CAMTA1: variants seen among roughly 807,000 people sequenced by gnomAD.
The protein encoded by CAMTA1 is calmodulin-binding transcription activator 1.
A neutral mutation model predicts 170.9 loss-of-function variants in CAMTA1; 27 were observed. The observed-to-expected ratio is 0.16, with a 90% CI of 0.12 to 0.22. CAMTA1 has a LOEUF of 0.22. Ranked by LOEUF, CAMTA1 falls within the 10% of genes least tolerant of loss-of-function variation. The pLI, the probability that CAMTA1 is intolerant of heterozygous loss-of-function variation, is 1.00. For missense variants in CAMTA1, 1,619 were observed against 2,217.2 expected, an observed-to-expected ratio of 0.73 and a Z score of 5.42; for synonymous variants, 833 against 891.5, an observed-to-expected ratio of 0.93 and a Z score of 1.17.
chr1:7,017,482 G>A (rs899941082), intron 3 of CAMTA1, among the ~76,000 whole-genome samples: 4 of 152,182 alleles, frequency 2.6e-5, no homozygotes, highest in Admixed American at 2.6e-4. Flanking sequence ...AGAGGTTCAG[G>A]TGCTCCGTCA....
intron 5 of CAMTA1, among the ~76,000 whole-genome samples, chr1:7,285,820 T>C (rs1672268795): frequency 6.6e-6 from 1 of 152,138 alleles, no homozygotes; most frequent in Admixed American, 6.5e-5. Flanking sequence ...TATGATTAGG[T>C]GTCACCTGTT....
intron 6 of CAMTA1, among the ~76,000 whole-genome samples, chr1:7,613,432 G>C (rs1576400647): frequency 6.6e-6 from 1 of 152,108 alleles, no homozygotes; most frequent in East Asian, 1.9e-4. Context: ...GGTCCCCCAG[G>C]CCGTAAAGCC....
At chr1:7,467,981 C>A (rs778927663) in intron 6 of CAMTA1, 80 bp downstream of exon 6, 16 of 1,162,908 alleles carry the variant, frequency 1.4e-5, no homozygotes, top group Non-Finnish European at 2.0e-5. Flanking sequence ...GCGCGGGGCT[C>A]CGCATGCGAC....
Position 7,014,362 on chromosome 1 carries a change from C to G in CAMTA1, c.235-76942C>G, listed in dbSNP as rs1281987068. On this transcript the variant is annotated intron_variant, in intron 3 of 22. Coordinates refer to ENST00000303635, the MANE Select transcript of CAMTA1 (RefSeq NM_015215.4). The surrounding 1 kb of genome is among the most constrained non-coding windows in gnomAD (Gnocchi z 4.2). ...TTGGGGTGTGAGGCTATAAACAGCC[C>G]AGGAGTCCTGAGGGGGTTGGAGAGT... is the stretch of plus-strand genomic sequence containing the variant. The G allele has an allele frequency of 6.6e-6, 1 of 152,284 alleles. No homozygotes were observed. The highest frequency in any genetic ancestry group is 1.5e-5 in the Non-Finnish European group (1 of 68,110). 9.4% of individuals were successfully genotyped at this position (152,284 alleles called of 1,614,324 possible). A position where few individuals can be genotyped will look rare whatever the true frequency, so the allele number is the denominator to read the frequency against.
intron 6 of CAMTA1, among the ~76,000 whole-genome samples, chr1:7,543,555 T>A (rs1165597431): frequency 6.6e-6 from 1 of 152,250 alleles, no homozygotes; most frequent in African/African-American, 2.4e-5. Flanking sequence ...ATATAGCAGT[T>A]CCCGAACGCT....
intron 3 of CAMTA1, among the ~76,000 whole-genome samples, chr1:6,937,714 A>G (rs568634714): frequency 6.7e-6 from 1 of 149,928 alleles, no homozygotes; most frequent in East Asian, 2.0e-4. Flanking sequence ...TACCACCACC[A>G]TCACCATCAC....
chr1:7,302,701 G>A (rs1161750040), intron 5 of CAMTA1, among the ~76,000 whole-genome samples: 1 of 152,192 alleles, frequency 6.6e-6, no homozygotes, highest in African/African-American at 2.4e-5. Context: ...CCATCCCAGA[G>A]TCCCTCATGA....
chr1:7,421,591 T>C (rs2091561458), intron 5 of CAMTA1, among the ~76,000 whole-genome samples: 1 of 152,194 alleles, frequency 6.6e-6, no homozygotes, highest in Non-Finnish European at 1.5e-5. Flanking sequence ...TTTCTTCCTG[T>C]AGGAACTGGA....
intron 11 of CAMTA1, among the ~76,000 whole-genome samples, chr1:7,714,297 A>G (rs1029428673): frequency 1.3e-5 from 2 of 152,210 alleles, no homozygotes; most frequent in Non-Finnish European, 2.9e-5. Flanking sequence ...CATCCAACTC[A>G]TCTACATTCA....
chr1:6,837,169 G>A (rs1361448555), intron 3 of CAMTA1, among the ~76,000 whole-genome samples: 1 of 152,096 alleles, frequency 6.6e-6, no homozygotes, highest in Non-Finnish European at 1.5e-5. Context: ...TGTTAGCCAG[G>A]ATGGGCTCGA....
chr1:7,175,287 TG>T (rs1481117995), intron 4 of CAMTA1, among the ~76,000 whole-genome samples: 2 of 152,230 alleles, frequency 1.3e-5, no homozygotes, highest in Non-Finnish European at 2.9e-5. Flanking sequence ...GAATATGTGA[TG>T]GAGACAGATG....
intron 3 of CAMTA1, among the ~76,000 whole-genome samples, chr1:6,876,680 T>C (rs918774298): frequency 1.3e-5 from 2 of 152,160 alleles, no homozygotes; most frequent in Admixed American, 6.5e-5. Context: ...CATTTCTTAA[T>C]TTGTCTTAGT....
chr1:7,766,527 G>A lies in CAMTA1; in HGVS notation c.*36G>A. 6.2e-7 allele frequency: 1 copy of A among 1,603,048 alleles called. No homozygotes were observed. The highest frequency in any genetic ancestry group is 8.5e-7 in the Non-Finnish European group (1 of 1,170,014). ...CAGCATCCCTTAGCAATGTGACATTGCTTTTCAGACTGTTTTCATTTCTGT... is the reference window on the plus strand; with the variant it reads ...CAGCATCCCTTAGCAATGTGACATTACTTTTCAGACTGTTTTCATTTCTGT... On this transcript the variant is annotated 3_prime_UTR_variant, in exon 23 of 23. Coordinates refer to ENST00000303635, the MANE Select transcript of CAMTA1 (RefSeq NM_015215.4).
At chr1:7,142,609 C>T (rs1645952763) in intron 4 of CAMTA1, among the ~76,000 whole-genome samples, 1 of 152,188 alleles carries the variant, frequency 6.6e-6, no homozygotes, top group African/African-American at 2.4e-5. Context: ...TGAGTTCTTG[C>T]TCTGTTAATT....
intron 4 of CAMTA1, among the ~76,000 whole-genome samples, chr1:7,135,621 C>T (rs2148570889): frequency 6.6e-6 from 1 of 152,218 alleles, no homozygotes; most frequent in South Asian, 2.1e-4. Context: ...TTTCATCTTC[C>T]CTGAAAACCC....
At chr1:7,529,407 C>T (rs1299987415) in intron 6 of CAMTA1, among the ~76,000 whole-genome samples, 2 of 152,178 alleles carry the variant, frequency 1.3e-5, no homozygotes, top group Admixed American at 6.5e-5. Flanking sequence ...CGCATACCTC[C>T]TGGCCTTGCA....
At position 7,707,284 on chromosome 1, in the gene CAMTA1, C is replaced by T. The variant is rs550706580; in HGVS notation, c.2915-25164C>T. On this transcript the variant is annotated intron_variant, in intron 11 of 22. Transcript: ENST00000303635. Reference sequence around the variant, plus strand: ...TGTGGGGCTGTTCTAGAATCCAGTACGTGAATAACAAGTGGAACTGAGTAT... The same window carrying T: ...TGTGGGGCTGTTCTAGAATCCAGTATGTGAATAACAAGTGGAACTGAGTAT... Among the ~76,000 whole-genome samples the T allele has an allele frequency of 1.4e-4, 22 of 152,202 alleles. 1 individual carries two copies. In the South Asian group the frequency reaches 3.7e-3, roughly 26 times the overall value.
rs977179935 is a variant in CAMTA1, at chr1:7,050,997, T to C, written c.235-40307T>C. On this transcript the variant is annotated intron_variant, in intron 3 of 22. Coordinates refer to ENST00000303635, the MANE Select transcript of CAMTA1 (RefSeq NM_015215.4). This position sits in a 1 kb window ranked among gnomAD's most constrained non-coding sequence, Gnocchi z 4.8. ...TGCTGCCTCTTTCCGGGGTGTAATT[T>C]GAGTTTGCATGTGGAACGAGGCCCT... Among the ~76,000 whole-genome samples, 2 of 152,136 alleles carry C rather than the reference T, an allele frequency of 1.3e-5. No individual in the cohort carries two copies. The highest frequency in any genetic ancestry group is 4.8e-5 in the African/African-American group (2 of 41,424).
intron 4 of CAMTA1, among the ~76,000 whole-genome samples, chr1:7,124,350 T>C (rs1178991405): frequency 6.6e-6 from 1 of 152,206 alleles, no homozygotes; most frequent in African/African-American, 2.4e-5. Flanking sequence ...TCCCTCCCGT[T>C]GTGGAAGCAA....
Sources: allele counts gnomAD v4.1 joint callset (sites outside exome capture counted in the v4.1 genomes callset), GRCh38; gene constraint gnomAD v4.1.1; non-coding constraint Gnocchi (gnomAD v3.1); transcripts MANE v1.5; gene names NCBI Gene and HGNC (gene_info 2026-07-23, HGNC 2026-07-21).